LDB2: variants seen among roughly 807,000 people sequenced by gnomAD.
LDB2 encodes the protein LIM domain-binding protein 2.
A neutral mutation model predicts 44.3 loss-of-function variants in LDB2; 12 were observed. The observed-to-expected ratio is 0.27, with a 90% confidence interval of 0.17 to 0.44. The LOEUF (loss-of-function observed/expected upper bound fraction) is 0.44, where lower values mean the gene tolerates loss of function less well. Ranked by LOEUF, LDB2 falls within the 20% of genes least tolerant of loss-of-function variation. The pLI, the probability that LDB2 is intolerant of heterozygous loss-of-function variation, is 1.00. For missense variants in LDB2, 344 were observed against 473.5 expected, an observed-to-expected ratio of 0.73 and a Z score of 2.54; for synonymous variants, 164 against 174.8, an observed-to-expected ratio of 0.94 and a Z score of 0.49.
Position 16,636,412 on chromosome 4 carries a change from C to T in LDB2, c.236-40537G>A, listed in dbSNP as rs7658400. Among the ~76,000 whole-genome samples the T allele has an allele frequency of 9.8e-3, 1,488 of 152,308 alleles. 26 individuals carry two copies. The highest frequency in any genetic ancestry group is 0.034 in the African/African-American group (1,427 of 41,558). ...CAGAAATGGAGAGCTGCAAAGATGA[C>T]ACCTAACAGGCAGTAGGCCCACGGT... On this transcript the variant is annotated intron_variant, in intron 2 of 7. Transcript: ENST00000304523.
chr4:16,615,087 A>AAAAAAAAT, intron 2 of LDB2, among the ~76,000 whole-genome samples: 1 of 150,838 alleles, frequency 6.6e-6, no homozygotes, highest in Non-Finnish European at 1.5e-5. Flanking sequence ...AAAAAAAAAA[A>AAAAAAAAT]AAAAAGTCAA....
At chr4:16,674,003 A>C (rs1038397405) in intron 2 of LDB2, among the ~76,000 whole-genome samples, 3 of 152,202 alleles carry the variant, frequency 2.0e-5, no homozygotes, top group African/African-American at 7.2e-5. Flanking sequence ...TTAAGCAAAG[A>C]TCAATAATAA....
chr4:16,596,945 C>A (rs932760828), intron 2 of LDB2, among the ~76,000 whole-genome samples: 18 of 152,150 alleles, frequency 1.2e-4, no homozygotes, highest in Non-Finnish European at 2.1e-4. Flanking sequence ...TCAAGCAATC[C>A]AAGGTTTTTA....
chr4:16,567,599 T>G (rs1354710038), intron 5 of LDB2, among the ~76,000 whole-genome samples: 1 of 152,176 alleles, frequency 6.6e-6, no homozygotes, highest in South Asian at 2.1e-4. Flanking sequence ...TGAAACCCTG[T>G]CTCTACTAGA....
intron 5 of LDB2, among the ~76,000 whole-genome samples, chr4:16,556,816 T>C (rs1380433521): frequency 2.0e-5 from 3 of 152,218 alleles, no homozygotes; most frequent in Non-Finnish European, 4.4e-5. Flanking sequence ...ATGAAATCAG[T>C]CCATCATACA....
At chr4:16,515,998 A>C (rs950803777) in intron 5 of LDB2, among the ~76,000 whole-genome samples, 36 of 152,022 alleles carry the variant, frequency 2.4e-4, no homozygotes, top group Admixed American at 2.4e-3. Context: ...TGAGTAGCTG[A>C]GACTACAGGC....
chr4:16,682,184 T>C (rs1748113783), intron 2 of LDB2, among the ~76,000 whole-genome samples: 2 of 152,198 alleles, frequency 1.3e-5, no homozygotes, highest in Non-Finnish European at 2.9e-5. Flanking sequence ...TCTCACACTG[T>C]AATAATTTTA....
intron 2 of LDB2, among the ~76,000 whole-genome samples, chr4:16,733,618 C>G (rs1352375194): frequency 2.6e-5 from 4 of 152,170 alleles, no homozygotes; most frequent in Non-Finnish European, 4.4e-5. Context: ...AAAGAGAAAG[C>G]CTTGGGGAAA....
At chr4:16,859,712 A>G (rs1373495036) in intron 1 of LDB2, among the ~76,000 whole-genome samples, 1 of 152,226 alleles carries the variant, frequency 6.6e-6, no homozygotes, top group Non-Finnish European at 1.5e-5. Flanking sequence ...AAAGAGGAAG[A>G]TGACTTTTCA....
rs73799260 is a variant in LDB2, at chr4:16,743,905, G to A, written c.235+15253C>T. On this transcript the variant is annotated intron_variant, in intron 2 of 7. Transcript: ENST00000304523. Reference sequence around the variant, plus strand: ...CGATTCACTAAGTTTTTGGTAATTTGATATTCTGCAATCGAAAACTAAAAT... The same window carrying A: ...CGATTCACTAAGTTTTTGGTAATTTAATATTCTGCAATCGAAAACTAAAAT... 7.5e-3 allele frequency among the ~76,000 whole-genome samples: 1,142 copies of A among 152,206 alleles called. 11 individuals carry two copies. The highest frequency in any genetic ancestry group is 0.022 in the African/African-American group (917 of 41,522).
chr4:16,791,448 G>A (rs547393687), intron 1 of LDB2, among the ~76,000 whole-genome samples: 4 of 150,406 alleles, frequency 2.7e-5, no homozygotes, highest in South Asian at 2.1e-4. Flanking sequence ...CCAGCTACTC[G>A]GGAGGCTGAG....
intron 1 of LDB2, among the ~76,000 whole-genome samples, chr4:16,776,264 G>A (rs1771881545): frequency 6.6e-6 from 1 of 152,158 alleles, no homozygotes; most frequent in South Asian, 2.1e-4. Flanking sequence ...AATTCCAAGG[G>A]TCCTTCCAAA....
rs1162660412 is a variant in LDB2, at chr4:16,511,971, G to A, written c.739+10C>T. 3 of 1,610,370 alleles carry A rather than the reference G, an allele frequency of 1.9e-6. No individual in the cohort carries two copies. In the Admixed American group the frequency reaches 5.0e-5, roughly 27 times the overall value. On this transcript the variant is annotated intron_variant, in intron 6 of 7. Transcript: ENST00000304523. ...CGTGTTTAGAGAGAGAGTGAAGAAT[G>A]AGGGTGTACCTGGCGGAGCCACCAT... is the stretch of plus-strand genomic sequence containing the variant.
chr4:16,776,352 C>T (rs1771901227), intron 1 of LDB2, among the ~76,000 whole-genome samples: 2 of 152,226 alleles, frequency 1.3e-5, no homozygotes, highest in Admixed American at 1.3e-4. Flanking sequence ...CCACTCTTGC[C>T]TTCAGTGAAA....
intron 1 of LDB2, among the ~76,000 whole-genome samples, chr4:16,821,400 T>TTA (rs397940323): frequency 2.0e-5 from 3 of 148,912 alleles, no homozygotes; most frequent in Non-Finnish European, 4.5e-5. Flanking sequence ...TTTTTTTTTT[T>TTA]GGAGACGGAG....
At chr4:16,702,864 T>C (rs911167309) in intron 2 of LDB2, among the ~76,000 whole-genome samples, 2 of 152,196 alleles carry the variant, frequency 1.3e-5, no homozygotes, top group Non-Finnish European at 2.9e-5. Flanking sequence ...CTCTGCCATA[T>C]TGAATTGCTT....
chr4:16,848,850 T>C (rs1207390586), intron 1 of LDB2, among the ~76,000 whole-genome samples: 1 of 152,164 alleles, frequency 6.6e-6, no homozygotes, highest in African/African-American at 2.4e-5. Context: ...CAGAATCATG[T>C]CTCCTGTTGA....
chr4:16,826,975 C>T (rs545083257), intron 1 of LDB2, among the ~76,000 whole-genome samples: 24 of 152,254 alleles, frequency 1.6e-4, no homozygotes, highest in South Asian at 6.2e-4. Context: ...GAAGCTCAAT[C>T]ATAATCATGA....
chr4:16,776,164 G>C lies in LDB2; in HGVS notation c.133-16904C>G, dbSNP rs537062446. Among the ~76,000 whole-genome samples the C allele has an allele frequency of 1.5e-4, 23 of 152,272 alleles. No individual in the cohort carries two copies. In the Middle Eastern group the frequency reaches 0.01, roughly 68 times the overall value. On this transcript the variant is annotated intron_variant, in intron 1 of 7. Coordinates refer to ENST00000304523, the MANE Select transcript of LDB2 (RefSeq NM_001290.5). ...ATACTTCTTTGATGGGTGACCTTAAGTAAGTCCAAATCAAAAAATCGTCAG... is the reference window on the plus strand; with the variant it reads ...ATACTTCTTTGATGGGTGACCTTAACTAAGTCCAAATCAAAAAATCGTCAG...
Sources: allele counts gnomAD v4.1 joint callset (sites outside exome capture counted in the v4.1 genomes callset), GRCh38; gene constraint gnomAD v4.1.1; transcripts MANE v1.5; gene names NCBI Gene and HGNC (gene_info 2026-07-23, HGNC 2026-07-21).